Variants in DIAPH2 observed in about 807,000 individuals in gnomAD.
DIAPH2 encodes protein diaphanous homolog 2.
DIAPH2 carries 35 observed loss-of-function variants against 92.7 expected under a neutral mutation model. The observed-to-expected ratio is 0.38, with a 90% CI of 0.29 to 0.50. The LOEUF (loss-of-function observed/expected upper bound fraction) is 0.50. Ranked by LOEUF, DIAPH2 falls within the 20% of genes least tolerant of loss-of-function variation. The pLI, the probability that DIAPH2 is intolerant of heterozygous loss-of-function variation, is 0.94. For missense variants in DIAPH2, 701 were observed against 819.5 expected, an observed-to-expected ratio of 0.86 and a Z score of 1.77; for synonymous variants, 301 against 280.4, an observed-to-expected ratio of 1.07 and a Z score of -0.73.
At chrX:97,506,567 A>G (rs752093337) in intron 26 of DIAPH2, among the ~76,000 whole-genome samples, 1 of 108,094 alleles carries the variant, frequency 9.3e-6, no homozygotes, top group East Asian at 2.9e-4. Context: ...AAACGATTAC[A>G]TATTTATCCA....
chrX:96,898,330 A>C (rs1202374198), intron 5 of DIAPH2, among the ~76,000 whole-genome samples: 2 of 104,335 alleles, frequency 1.9e-5, no homozygotes, highest in East Asian at 3.2e-4. Flanking sequence ...GAACCAGTTT[A>C]CAGTCCCACC....
At chrX:97,054,653 A>C (rs1402986409) in intron 17 of DIAPH2, among the ~76,000 whole-genome samples, 1 of 111,889 alleles carries the variant, frequency 8.9e-6, no homozygotes, top group Non-Finnish European at 1.9e-5. Flanking sequence ...ATTTTGTCTA[A>C]TAGTGAGTAA....
intron 17 of DIAPH2, among the ~76,000 whole-genome samples, chrX:96,968,539 G>A (rs2065908059): frequency 1.8e-5 from 2 of 111,875 alleles, no homozygotes; most frequent in Middle Eastern, 4.6e-3. Flanking sequence ...CTTTTGAGAA[G>A]TGTCTGTTCA....
At chrX:97,471,206 C>A (rs1226309292) in intron 26 of DIAPH2, among the ~76,000 whole-genome samples, 1 of 110,961 alleles carries the variant, frequency 9.0e-6, no homozygotes, top group African/African-American at 3.3e-5. Context: ...GGAGGTTCAA[C>A]AGGTGCCTTC....
chrX:96,852,199 C>T (rs1221108212), intron 4 of DIAPH2, among the ~76,000 whole-genome samples: 1 of 111,973 alleles, frequency 8.9e-6, no homozygotes, highest in African/African-American at 3.2e-5. Flanking sequence ...CACTCCAATT[C>T]AGAAAAACAA....
chrX:96,728,207 G>A (rs1218535410), intron 1 of DIAPH2, among the ~76,000 whole-genome samples: 2 of 109,980 alleles, frequency 1.8e-5, no homozygotes, highest in Non-Finnish European at 3.8e-5. Flanking sequence ...GTTTTTATAT[G>A]GTTAGTTTTT....
intron 22 of DIAPH2, among the ~76,000 whole-genome samples, chrX:97,146,470 C>T (rs916932729): frequency 4.5e-5 from 5 of 110,022 alleles, no homozygotes; most frequent in African/African-American, 1.7e-4. Flanking sequence ...GTTATTAGAA[C>T]GCACATACCT....
chrX:97,148,708 T>C (rs753707928), intron 22 of DIAPH2, among the ~76,000 whole-genome samples: 2 of 111,778 alleles, frequency 1.8e-5, no homozygotes, highest in African/African-American at 6.5e-5. Flanking sequence ...ATTAAATTAA[T>C]TGCATATCAT....
At chrX:97,031,475 A>G (rs1602731695) in intron 17 of DIAPH2, among the ~76,000 whole-genome samples, 3 of 111,526 alleles carry the variant, frequency 2.7e-5, no homozygotes, top group African/African-American at 6.5e-5. Flanking sequence ...TTATAGTATA[A>G]TGTATTCCCA....
intron 26 of DIAPH2, among the ~76,000 whole-genome samples, chrX:97,437,950 T>G (rs2147783648): frequency 9.5e-6 from 1 of 105,585 alleles, no homozygotes; most frequent in Admixed American, 1.0e-4. Flanking sequence ...AATAGAGAAA[T>G]CAACAAAGGA....
chrX:97,037,417 T>A lies in DIAPH2; in HGVS notation c.2051-35524T>A, dbSNP rs372864741. The stretch of plus-strand genomic sequence containing the variant: ...TAGGTTCCACAAAATAGGGTCTCTT[T>A]CCTTCCTGCAAGCATTGCCTTGGGG... On this transcript the variant is annotated intron_variant, in intron 17 of 26. Transcript: ENST00000324765. Among the ~76,000 whole-genome samples the A allele has an allele frequency of 9.8e-5, 11 of 111,760 alleles. No individual in the cohort carries two copies. In the East Asian group the frequency reaches 3.1e-3, roughly 31 times the overall value.
At position 96,870,493 on chromosome X, in the gene DIAPH2, G is replaced by A. The variant is rs187977039; in HGVS notation, c.448-11086G>A. Among the ~76,000 whole-genome samples, 435 of 105,350 alleles carry A rather than the reference G, an allele frequency of 4.1e-3. 6 individuals carry two copies. Among genetic ancestry groups the A allele is most frequent in the African/African-American group, 0.015 (417 of 28,664 alleles). 91.5% of individuals were successfully genotyped at this position (105,350 alleles called of 115,157 possible). A position where few individuals can be genotyped will look rare whatever the true frequency, so the allele number is the denominator to read the frequency against. ...GGGTTTCACCATATTGGTCAGGATG[G>A]TCTCGATCTCCCGACCTCGTGATCC... On this transcript the variant is annotated intron_variant, in intron 4 of 26. Coordinates refer to ENST00000324765, the MANE Select transcript of DIAPH2 (RefSeq NM_006729.5).
chrX:97,139,583 C>G (rs2067196278), intron 21 of DIAPH2, among the ~76,000 whole-genome samples: 1 of 109,907 alleles, frequency 9.1e-6, no homozygotes, highest in Non-Finnish European at 1.9e-5. Context: ...TATTATGATT[C>G]TAAAAGAAAT....
intron 4 of DIAPH2, among the ~76,000 whole-genome samples, chrX:96,760,498 T>G (rs913780916): frequency 9.0e-6 from 1 of 111,008 alleles, no homozygotes; most frequent in African/African-American, 3.3e-5. Context: ...ATGTAAAACA[T>G]GTGAGAATTG....
Position 96,975,882 on chromosome X carries a change from C to T in DIAPH2, c.2050+10675C>T, listed in dbSNP as rs1437963825. 2.7e-5 allele frequency among the ~76,000 whole-genome samples: 3 copies of T among 111,429 alleles called. No individual in the cohort carries two copies. The Admixed American group carries it at 2.9e-4, about 11-fold the overall frequency. On this transcript the variant is annotated intron_variant, in intron 17 of 26. Transcript: ENST00000324765. ...CATAATCACTTCTCATAGGCCCCAC[C>T]TCCTGATACCATCACCTTGTGTGTA...
intron 1 of DIAPH2, chrX:96,701,477 T>A (rs750551317): frequency 5.4e-5 from 6 of 110,758 alleles, no homozygotes; most frequent in Non-Finnish European, 1.1e-4. Context: ...GAAGAACAGC[T>A]TTGTAAGATT....
intron 1 of DIAPH2, among the ~76,000 whole-genome samples, chrX:96,725,448 T>A (rs2064015058): frequency 1.8e-5 from 2 of 112,516 alleles, no homozygotes; most frequent in South Asian, 7.3e-4. Context: ...TTATTTTTTG[T>A]TCACCATATA....
intron 23 of DIAPH2, among the ~76,000 whole-genome samples, chrX:97,331,487 G>C (rs916035533): frequency 5.4e-5 from 6 of 111,777 alleles, no homozygotes; most frequent in African/African-American, 1.9e-4. Flanking sequence ...CCTTAAAAGA[G>C]AAAAGGAGTT....
intron 23 of DIAPH2, among the ~76,000 whole-genome samples, chrX:97,300,863 C>G (rs58104010): frequency 1.1e-5 from 1 of 89,157 alleles, no homozygotes; most frequent in African/African-American, 4.2e-5. Flanking sequence ...ACCCGGGAGG[C>G]GGAGGTTGCT....
Sources: gnomAD v4.1 joint callset for allele counts (sites outside exome capture counted in the v4.1 genomes callset) on GRCh38, gnomAD v4.1.1 for gene constraint, MANE v1.5 for transcripts, NCBI Gene and HGNC (gene_info 2026-07-23, HGNC 2026-07-21) for gene names.